GALNT14: variants seen among roughly 807,000 people sequenced by gnomAD.
GALNT14 encodes UDP-GalNAc:polypeptide N-acetylgalactosaminyltransferase 14.
GALNT14 carries 60 observed loss-of-function variants against 77.5 expected under a neutral mutation model. The ratio of observed to expected loss-of-function variants is 0.77; its 90% CI spans 0.63 to 0.96. The LOEUF is 0.96. Ranked by LOEUF, GALNT14 falls within the 40% of genes least tolerant of loss-of-function variation. GALNT14 has a pLI of 0.00. For synonymous variants in GALNT14, 280 were observed against 281.7 expected, an observed-to-expected ratio of 0.99 and a Z score of 0.06; for missense variants, 710 against 731.0, an observed-to-expected ratio of 0.97 and a Z score of 0.33.
chr2:30,936,044 C>T (rs898043530), intron 9 of GALNT14, among the ~76,000 whole-genome samples: 4 of 152,304 alleles, frequency 2.6e-5, no homozygotes, highest in Non-Finnish European at 5.9e-5. Flanking sequence ...TGCCACTTCA[C>T]GGAGACCCAA....
intron 9 of GALNT14, among the ~76,000 whole-genome samples, chr2:30,939,497 T>C (rs1174678409): frequency 6.6e-6 from 1 of 151,828 alleles, no homozygotes; most frequent in Non-Finnish European, 1.5e-5. Flanking sequence ...GGCAAGGCCA[T>C]GGGAGGGAGG....
chr2:30,966,099 G>C (rs1410242360), intron 3 of GALNT14, 105 bp downstream of exon 3: 2 of 764,580 alleles, frequency 2.6e-6, no homozygotes, highest in East Asian at 5.3e-5. Flanking sequence ...CACGTAGTTA[G>C]ATGTGTCTGG....
intron 1 of GALNT14, among the ~76,000 whole-genome samples, chr2:31,015,803 C>A (rs569437592): frequency 6.6e-6 from 1 of 152,154 alleles, no homozygotes; most frequent in Non-Finnish European, 1.5e-5. Context: ...AACTCTTCAG[C>A]GTGTCAAGGT....
At chr2:31,020,988 A>C (rs1671679414) in intron 1 of GALNT14, among the ~76,000 whole-genome samples, 1 of 152,188 alleles carries the variant, frequency 6.6e-6, no homozygotes, top group South Asian at 2.1e-4. Context: ...TATCTCAGCC[A>C]CGCAGCCCCT....
At chr2:30,990,160 G>A (rs539920351) in intron 2 of GALNT14, among the ~76,000 whole-genome samples, 17 of 152,172 alleles carry the variant, frequency 1.1e-4, no homozygotes, top group Non-Finnish European at 2.2e-4. Context: ...GTAGGTAGAA[G>A]CCAGGGATGC....
At chr2:31,029,824 A>T (rs1470659023) in intron 1 of GALNT14, among the ~76,000 whole-genome samples, 2 of 152,110 alleles carry the variant, frequency 1.3e-5, no homozygotes, top group Non-Finnish European at 2.9e-5. Context: ...GACTACTATA[A>T]TTTTTTTGTA....
rs779033050 is a variant in GALNT14, at chr2:30,942,180, GAT to G, written c.931+19_931+20del. The G allele has an allele frequency of 1.9e-6, 3 of 1,553,470 alleles. No individual in the cohort carries two copies. Among genetic ancestry groups the G allele is most frequent in the Non-Finnish European group, 2.7e-6 (3 of 1,124,940 alleles). ...GGGTGTATAGAACAGCATAGGTCAGGATGCAGAGGCAGGGACTCACCAAAGTT... is the reference window on the plus strand; with the variant it reads ...GGGTGTATAGAACAGCATAGGTCAGGGCAGAGGCAGGGACTCACCAAAGTT... On this transcript the variant is annotated intron_variant, in intron 9 of 14. Transcript: ENST00000349752.
In GALNT14 at chr2:31,042,392, T is replaced by C. The variant is rs534806221; in HGVS notation, c.130-49385A>G. On this transcript the variant is annotated intron_variant, in intron 1 of 14. Coordinates refer to ENST00000349752, the MANE Select transcript of GALNT14 (RefSeq NM_024572.4). ...GAGGTGGGTGCTATGAAAGAAATGATGAATCATAAAGGGAATACTGACAAG... is the reference window on the plus strand; with the variant it reads ...GAGGTGGGTGCTATGAAAGAAATGACGAATCATAAAGGGAATACTGACAAG... 1.6e-3 allele frequency among the ~76,000 whole-genome samples: 242 copies of C among 152,248 alleles called. 2 individuals carry two copies. Among genetic ancestry groups the C allele is most frequent in the African/African-American group, 5.5e-3 (230 of 41,548 alleles).
chr2:31,059,705 T>C lies in GALNT14; in HGVS notation c.130-66698A>G, dbSNP rs376874527. On this transcript the variant is annotated intron_variant, in intron 1 of 14. Transcript: ENST00000349752. ...AGGCAACAGAGCAAGACACTGTATT[T>C]AAAAAAATTAAAAATAAAAATGATA... Among the ~76,000 whole-genome samples the C allele has an allele frequency of 1.1e-3, 170 of 152,142 alleles. 1 individual carries two copies. Among genetic ancestry groups the C allele is most frequent in the African/African-American group, 4.0e-3 (166 of 41,492 alleles).
At chr2:31,011,717 C>A (rs1243661913) in intron 1 of GALNT14, among the ~76,000 whole-genome samples, 1 of 152,186 alleles carries the variant, frequency 6.6e-6, no homozygotes, top group Non-Finnish European at 1.5e-5. Context: ...CTCCCAGCTA[C>A]CCCTCAGGGG....
At chr2:31,089,790 C>T (rs1558562233) in intron 1 of GALNT14, among the ~76,000 whole-genome samples, 1 of 152,096 alleles carries the variant, frequency 6.6e-6, no homozygotes, top group East Asian at 1.9e-4. Context: ...CCCAGAAATA[C>T]CAAGCAGCTG....
At position 30,924,150 on chromosome 2, in the gene GALNT14, G is replaced by A. The variant is rs766451616; in HGVS notation, c.1349C>T (p.Ala450Val). 1 of 1,614,204 alleles carries A rather than the reference G, an allele frequency of 6.2e-7. No individual in the cohort carries two copies. The highest frequency in any genetic ancestry group is 8.5e-7 in the Non-Finnish European group (1 of 1,180,036). ...ETPNLKLSPC[A>V]KVKGEDAKSQ... Reference sequence around the variant, plus strand: ...CTTTGCATCTTCGCCTTTGACCTTGGCACAGGGGCTCAACTTTAGGTTTGG... The same window carrying A: ...CTTTGCATCTTCGCCTTTGACCTTGACACAGGGGCTCAACTTTAGGTTTGG... Residue 450 changes from alanine (A) to valine (V), a missense_variant, in exon 13 of 15, where the codon GCC becomes GTC. Coordinates refer to ENST00000349752, the MANE Select transcript of GALNT14 (RefSeq NM_024572.4).
At chr2:31,005,792 C>T (rs752135342) in intron 1 of GALNT14, among the ~76,000 whole-genome samples, 3 of 152,184 alleles carry the variant, frequency 2.0e-5, no homozygotes, top group Non-Finnish European at 4.4e-5. Flanking sequence ...CCATCTCACA[C>T]GAGTTTGAGC....
At chr2:30,912,701 C>T (rs755784133) in intron 13 of GALNT14, among the ~76,000 whole-genome samples, 20 of 152,120 alleles carry the variant, frequency 1.3e-4, no homozygotes, top group Non-Finnish European at 2.2e-4. Flanking sequence ...GGTCTGTTCC[C>T]AGCACTTGAC....
chr2:31,094,670 T>C (rs747578886), intron 1 of GALNT14, among the ~76,000 whole-genome samples: 7 of 152,182 alleles, frequency 4.6e-5, no homozygotes, highest in Non-Finnish European at 1.0e-4. Flanking sequence ...ATTTTGCACA[T>C]AGAGAATGGA....
chr2:31,107,443 A>C (rs78032596), intron 1 of GALNT14, among the ~76,000 whole-genome samples: 6 of 152,240 alleles, frequency 3.9e-5, no homozygotes, highest in South Asian at 2.1e-4. Context: ...TGCACACATT[A>C]CACATTCCAC....
At chr2:30,963,953 G>A (rs924695678) in intron 3 of GALNT14, among the ~76,000 whole-genome samples, 4 of 152,194 alleles carry the variant, frequency 2.6e-5, no homozygotes, top group African/African-American at 7.2e-5. Context: ...TTAAGAGATG[G>A]ATAAGATAAG....
At chr2:31,051,553 C>T (rs545085504) in intron 1 of GALNT14, among the ~76,000 whole-genome samples, 1 of 152,322 alleles carries the variant, frequency 6.6e-6, no homozygotes, top group East Asian at 1.9e-4. Flanking sequence ...AGCCTGCTAG[C>T]CGGACCTTTG....
the GALNT14 span, among the ~76,000 whole-genome samples, chr2:30,892,089 G>C: frequency 6.6e-6 from 1 of 152,128 alleles, no homozygotes; most frequent in Non-Finnish European, 1.5e-5. Flanking sequence ...CTCACCAGAC[G>C]GTATGTGCTG....
Sources: allele counts gnomAD v4.1 joint callset (sites outside exome capture counted in the v4.1 genomes callset), GRCh38; gene constraint gnomAD v4.1.1; transcripts MANE v1.5; gene names NCBI Gene and HGNC (gene_info 2026-07-23, HGNC 2026-07-21).